The following LEF1 variants were observed in gnomAD, a reference collection of about 807,000 sequenced individuals.
LEF1 encodes lymphoid enhancer binding factor 1, also known as lymphoid enhancer-binding factor 1.
LEF1 carries 14 observed loss-of-function variants against 51.2 expected under a neutral mutation model. That is an observed-to-expected ratio of 0.27 (90% CI 0.18 to 0.43). LEF1 has a LOEUF of 0.43. LEF1 is among the 20% of genes least tolerant of loss of function. LEF1 has a pLI of 1.00. For synonymous variants in LEF1, 185 were observed against 183.2 expected (o/e 1.01, Z -0.08); for missense variants, 386 against 512.0 (o/e 0.75, Z 2.37).
At chr4:108,073,250 C>G (rs1256544723) in intron 8 of LEF1, among the ~76,000 whole-genome samples, 1 of 152,066 alleles carries the variant, frequency 6.6e-6, no homozygotes, top group East Asian at 1.9e-4. Context: ...CCAGGCGTAG[C>G]AGTGCATGCC....
At chr4:108,101,059 G>A (rs1740790050) in intron 3 of LEF1, among the ~76,000 whole-genome samples, 4 of 152,202 alleles carry the variant, frequency 2.6e-5, no homozygotes, top group Non-Finnish European at 5.9e-5. Flanking sequence ...GGTCTAGACA[G>A]CATTGGGTTT....
chr4:108,133,885 T>G (rs1051453478), intron 3 of LEF1, among the ~76,000 whole-genome samples: 1 of 152,198 alleles, frequency 6.6e-6, no homozygotes, highest in African/African-American at 2.4e-5. Flanking sequence ...TAAACTTGGT[T>G]CTATTTGCCA....
chr4:108,080,339 A>G (rs1449914110), intron 6 of LEF1, among the ~76,000 whole-genome samples: 5 of 152,262 alleles, frequency 3.3e-5, no homozygotes, highest in Non-Finnish European at 5.9e-5. Context: ...AGTATTTTCA[A>G]TAAGCTCTCT....
chr4:108,058,042 T>G (rs1737422868), intron 11 of LEF1, among the ~76,000 whole-genome samples: 3 of 151,870 alleles, frequency 2.0e-5, no homozygotes, highest in Admixed American at 2.0e-4. Context: ...CCTGGCTAAT[T>G]TTTTGTATTT....
chr4:108,143,957 CTATT>C (rs1205730408), intron 3 of LEF1, among the ~76,000 whole-genome samples: 1 of 152,052 alleles, frequency 6.6e-6, no homozygotes, highest in Non-Finnish European at 1.5e-5. Context: ...ATGTGCTGGC[CTATT>C]TATTTTTCCC....
chr4:108,062,415 T>G (rs1232499289), intron 11 of LEF1, among the ~76,000 whole-genome samples: 5 of 152,094 alleles, frequency 3.3e-5, no homozygotes, highest in Admixed American at 1.3e-4. Flanking sequence ...TCTTGCCATG[T>G]GGGGAACTGC....
rs543878884 is a variant in LEF1 at position 108,157,126 on chromosome 4, C to T, written c.414+6442G>A. 1.5e-3 allele frequency among the ~76,000 whole-genome samples: 221 copies of T among 150,896 alleles called. 1 individual carries two copies. The highest frequency in any genetic ancestry group is 5.2e-3 in the African/African-American group (214 of 41,122). ...AGAACCACTCTCCTTTTTAGAGACC[C>T]TAACTTATATCTACCTCTTCATTCT... On this transcript the variant is annotated intron_variant, in intron 3 of 11. Coordinates refer to ENST00000265165, the MANE Select transcript of LEF1 (RefSeq NM_016269.5).
chr4:108,064,328 G>GTA lies in LEF1; in HGVS notation c.1165+7_1165+8insTA. The GTA allele has an allele frequency of 6.2e-7, 1 of 1,607,694 alleles. No homozygotes were observed. ...TGAGGATTGACTGGAAAGTCTCATG[G>GTA]TGCCTACCTGATGCAGATTCCTGTA... On this transcript the variant is annotated splice_region_variant and intron_variant, in intron 10 of 11. Transcript: ENST00000265165.
In LEF1 at chr4:108,083,419, T is replaced by C. The variant is rs769709054; in HGVS notation, c.575A>G (p.Asp192Gly). Residue 192 changes from aspartate to glycine, a missense_variant, in exon 5 of 12, where the codon GAT (aspartate) becomes GGT (glycine). Asp to Gly is a moderately conservative substitution (Grantham distance 94). Transcript: ENST00000265165. ...QGMSRHPPAPDIPTFYPLSPG... is the reference protein window; with the variant it reads ...QGMSRHPPAPGIPTFYPLSPG... ...AGACAAGGGATAAAAAGTAGGGATA[T>C]CAGGAGCTGGAGGATGTCTGGACAT... 1 of 1,613,466 alleles carries C rather than the reference T, an allele frequency of 6.2e-7. No individual in the cohort carries two copies. Among genetic ancestry groups the C allele is most frequent in the South Asian group, 1.1e-5 (1 of 90,992 alleles).
At chr4:108,135,842 C>G (rs1289097138) in intron 3 of LEF1, among the ~76,000 whole-genome samples, 1 of 152,174 alleles carries the variant, frequency 6.6e-6, no homozygotes, top group African/African-American at 2.4e-5. Flanking sequence ...TTCTGCTCTC[C>G]TCCCACGCAC....
At chr4:108,132,917 T>C (rs1292599020) in intron 3 of LEF1, among the ~76,000 whole-genome samples, 1 of 152,058 alleles carries the variant, frequency 6.6e-6, no homozygotes, top group Non-Finnish European at 1.5e-5. Context: ...GCAATCTGCC[T>C]GCCCCTACCT....
chr4:108,064,724 TTCTC>T lies in LEF1; in HGVS notation c.1117-344_1117-341del, dbSNP rs151184933. 1.4e-4 allele frequency among the ~76,000 whole-genome samples: 21 copies of T among 145,882 alleles called. No individual in the cohort carries two copies. The East Asian group carries it at 3.2e-3, about 22-fold the overall frequency. ...GTCTTAGAGCTGTGGCCATAGAGCC[TTCTC>T]TCTCTCTCTCTCTCACACATACACA... On this transcript the variant is annotated intron_variant, in intron 9 of 11. Transcript: ENST00000265165.
At chr4:108,165,216 TG>T in intron 1 of LEF1, 53 bp from the exon 2 acceptor site, 1 of 1,526,828 alleles carries the variant, frequency 6.5e-7, no homozygotes. Flanking sequence ...TTAGAGTTTG[TG>T]ACAATAATGG....
At chr4:108,080,538 TA>T (rs560268847) in intron 6 of LEF1, among the ~76,000 whole-genome samples, 235 of 152,322 alleles carry the variant, frequency 1.5e-3, no homozygotes, top group African/African-American at 5.4e-3. Context: ...GGAAGCATGG[TA>T]AAAATACAAA....
chr4:108,077,058 G>A (rs1452906282), intron 8 of LEF1, among the ~76,000 whole-genome samples: 6 of 151,496 alleles, frequency 4.0e-5, no homozygotes, highest in African/African-American at 1.5e-4. Flanking sequence ...TGATAACAGG[G>A]CCAGAAACGG....
At chr4:108,095,924 C>G (rs1183528599) in intron 3 of LEF1, among the ~76,000 whole-genome samples, 3 of 152,058 alleles carry the variant, frequency 2.0e-5, no homozygotes, top group Non-Finnish European at 4.4e-5. Flanking sequence ...AAAATGACAT[C>G]TAATTATGTA....
intron 11 of LEF1, among the ~76,000 whole-genome samples, chr4:108,054,016 T>G (rs572857251): frequency 2.6e-5 from 4 of 152,206 alleles, no homozygotes; most frequent in Admixed American, 1.3e-4. Flanking sequence ...TTTGTTTTGT[T>G]TACCCAAACC....
At chr4:108,064,953 C>A (rs1246974851) in intron 9 of LEF1, among the ~76,000 whole-genome samples, 1 of 152,032 alleles carries the variant, frequency 6.6e-6, no homozygotes, top group Non-Finnish European at 1.5e-5. Context: ...CCCTGTGGCA[C>A]AGAAACGACA....
At chr4:108,149,314 C>A (rs539348248) in intron 3 of LEF1, among the ~76,000 whole-genome samples, 1,547 of 150,288 alleles carry the variant, frequency 0.01, 31 homozygotes, top group African/African-American at 0.035. Context: ...AAAAAATTAG[C>A]CGGGCGTGGT....
Sources: allele counts gnomAD v4.1 joint callset (sites outside exome capture counted in the v4.1 genomes callset), GRCh38; gene constraint gnomAD v4.1.1; transcripts MANE v1.5; gene names NCBI Gene and HGNC (gene_info 2026-07-23, HGNC 2026-07-21).